CFAP69: variants seen among roughly 807,000 people sequenced by gnomAD.
CFAP69 encodes cilia and flagella associated protein 69.
Under a neutral mutation model 123.0 loss-of-function variants are expected in CFAP69, and 92 were observed. The ratio of observed to expected loss-of-function variants is 0.75; its 90% confidence interval spans 0.63 to 0.89. CFAP69 has a LOEUF of 0.89. CFAP69 is among the 40% of genes least tolerant of loss of function. The pLI is 0.00. For synonymous variants in CFAP69, 380 were observed against 364.3 expected (o/e 1.04, Z -0.49); for missense variants, 1,067 against 1,096.9 (o/e 0.97, Z 0.39).
chr7:90,254,736 T>C (rs548890465), intron 1 of CFAP69, among the ~76,000 whole-genome samples: 1 of 152,196 alleles, frequency 6.6e-6, no homozygotes, highest in South Asian at 2.1e-4. Context: ...ACAGAGGAGA[T>C]GTGAGAGGCA....
At chr7:90,319,542 A>T in the CFAP69 span, 1 of 398,628 alleles carries the variant, frequency 2.5e-6, no homozygotes, top group Non-Finnish European at 4.4e-6. Flanking sequence ...TCCAAAAAGC[A>T]TCCACATTGT....
chr7:90,321,583 T>G, the CFAP69 span, among the ~76,000 whole-genome samples: 1 of 152,216 alleles, frequency 6.6e-6, no homozygotes, highest in Non-Finnish European at 1.5e-5. Context: ...TCGGCATTAG[T>G]CAGTCCACAT....
In CFAP69 at chr7:90,304,104, T is replaced by A; in HGVS notation, c.2186T>A (p.Leu729Gln). Residue 729 changes from leucine (L) to glutamine (Q), a missense_variant and splice_region_variant, in exon 18 of 23, where the codon CTA becomes CAA. Transcript: ENST00000389297. Reference sequence around the variant, plus strand: ...AAAATTTATGCTATATTGGGCAAACTAGGTAAGAAGTTCTCTTCAAATTTG... The same window carrying A: ...AAAATTTATGCTATATTGGGCAAACAAGGTAAGAAGTTCTCTTCAAATTTG... ...RAKIYAILGK[L>Q]DFENLPGLSA... The A allele has an allele frequency of 6.5e-7, 1 of 1,547,172 alleles. No homozygotes were observed. Among genetic ancestry groups the A allele is most frequent in the Non-Finnish European group, 8.7e-7 (1 of 1,144,698 alleles).
At chr7:90,303,473 G>A in intron 17 of CFAP69, 1 of 713,464 alleles carries the variant, frequency 1.4e-6, no homozygotes, top group Non-Finnish European at 1.7e-6. Flanking sequence ...ATTATTTTTA[G>A]ATATGTTTCC....
chr7:90,271,503 A>G (rs774938223), intron 6 of CFAP69, 23 bp from the exon 7 acceptor site: 4 of 1,599,178 alleles, frequency 2.5e-6, no homozygotes, highest in Non-Finnish European at 3.4e-6. Flanking sequence ...AACTGTATGT[A>G]TTTATTAATG....
At chr7:90,265,767 A>G (rs1453145886) in intron 5 of CFAP69, among the ~76,000 whole-genome samples, 2 of 152,230 alleles carry the variant, frequency 1.3e-5, no homozygotes, top group African/African-American at 2.4e-5. Flanking sequence ...TATTCATTAA[A>G]TGATCTAAAA....
At chr7:90,253,344 TTTG>T (rs1797249510) in intron 1 of CFAP69, among the ~76,000 whole-genome samples, 1 of 152,168 alleles carries the variant, frequency 6.6e-6, no homozygotes, top group Non-Finnish European at 1.5e-5. Flanking sequence ...TTATTTCATT[TTTG>T]TTGTTGTTGG....
chr7:90,318,710 C>T, the CFAP69 span: 1 of 151,934 alleles, frequency 6.6e-6, no homozygotes, highest in African/African-American at 2.4e-5. Flanking sequence ...GAGAAATTAT[C>T]TGAAAATATT....
chr7:90,266,851 G>A (rs909271618), intron 5 of CFAP69, among the ~76,000 whole-genome samples: 4 of 152,120 alleles, frequency 2.6e-5, no homozygotes, highest in African/African-American at 7.2e-5. Context: ...TTTCTACTAC[G>A]TACTAATAAG....
At chr7:90,256,043 C>G (rs1797603596) in intron 2 of CFAP69, among the ~76,000 whole-genome samples, 1 of 152,196 alleles carries the variant, frequency 6.6e-6, no homozygotes, top group Admixed American at 6.5e-5. Context: ...CGACTGAATG[C>G]CTAAAAGCCA....
intron 1 of CFAP69, among the ~76,000 whole-genome samples, chr7:90,250,092 C>T (rs569934183): frequency 6.6e-6 from 1 of 151,890 alleles, no homozygotes; most frequent in South Asian, 2.1e-4. Flanking sequence ...TCTATAGTGC[C>T]AGCTACTTGA....
the CFAP69 span, among the ~76,000 whole-genome samples, chr7:90,322,880 G>T: frequency 6.6e-6 from 1 of 151,900 alleles, no homozygotes; most frequent in African/African-American, 2.4e-5. Flanking sequence ...GAAAAATAAG[G>T]GTAATTGACA....
chr7:90,279,836 A>C lies in CFAP69; in HGVS notation c.1315A>C (p.Met439Leu), dbSNP rs746801466. 1 of 1,612,254 alleles carries C rather than the reference A, an allele frequency of 6.2e-7. No individual in the cohort carries two copies. Among genetic ancestry groups the C allele is most frequent in the East Asian group, 2.2e-5 (1 of 44,786 alleles). Residue 439 changes from methionine (M) to leucine (L), a missense_variant, in exon 12 of 23, where the codon ATG (methionine) becomes CTG (leucine). By Grantham distance (15) the Met-to-Leu change is conservative. Transcript: ENST00000389297. ...GGCTCCTTTATTAATAGAAGAATAC[A>C]TGTCATGCCAGGGAAATGCTCGAGT... is the stretch of plus-strand genomic sequence containing the variant. The part of the protein sequence containing the change: ...SVAPLLIEEY[M>L]SCQGNARVLA...
intron 17 of CFAP69, chr7:90,303,639 C>T (rs1793130466): frequency 3.1e-6 from 3 of 977,358 alleles, no homozygotes; most frequent in African/African-American, 1.8e-5. Flanking sequence ...AACAAGGTTA[C>T]ATCACTGTTA....
At chr7:90,284,650 G>A (rs535413278) in intron 13 of CFAP69, among the ~76,000 whole-genome samples, 6 of 152,264 alleles carry the variant, frequency 3.9e-5, no homozygotes, top group African/African-American at 1.4e-4. Flanking sequence ...TTCAAGGCTA[G>A]GAAGTCTTAG....
At position 90,286,414 on chromosome 7, in the gene CFAP69, GA is replaced by G. The variant is rs770722903; in HGVS notation, c.1656+18del. The G allele has an allele frequency of 1.2e-5, 19 of 1,608,520 alleles. No individual in the cohort carries two copies. Among genetic ancestry groups the G allele is most frequent in the Middle Eastern group, 1.7e-4 (1 of 6,044 alleles). ...TTCAAAGGAAGGTATGTATGCCTGT[GA>G]AAGTTTTGTTCAGGTCTCCCAGTCA... On this transcript the variant is annotated intron_variant, in intron 14 of 22. Coordinates refer to ENST00000389297, the MANE Select transcript of CFAP69 (RefSeq NM_001039706.3).
At chr7:90,249,829 A>G (rs1796756534) in intron 1 of CFAP69, among the ~76,000 whole-genome samples, 2 of 152,118 alleles carry the variant, frequency 1.3e-5, no homozygotes. Context: ...TTGTGCTGCT[A>G]GTTGGAGGAC....
intron 1 of CFAP69, among the ~76,000 whole-genome samples, chr7:90,251,040 C>A (rs2157793): frequency 6.6e-6 from 1 of 151,936 alleles, no homozygotes; most frequent in Non-Finnish European, 1.5e-5. Context: ...CTACCTCCAA[C>A]CCAGTCTTCT....
At chr7:90,296,500 G>T (rs1791997209) in intron 15 of CFAP69, among the ~76,000 whole-genome samples, 1 of 151,966 alleles carries the variant, frequency 6.6e-6, no homozygotes, top group Non-Finnish European at 1.5e-5. Flanking sequence ...GCTGATTCTT[G>T]TATTTTTAGT....
Sources: allele counts gnomAD v4.1 joint callset (sites outside exome capture counted in the v4.1 genomes callset), GRCh38; gene constraint gnomAD v4.1.1; transcripts MANE v1.5; gene names NCBI Gene and HGNC (gene_info 2026-07-23, HGNC 2026-07-21).